SRP68: variants seen among roughly 807,000 people sequenced by gnomAD.
SRP68 encodes signal recognition particle subunit SRP68.
In SRP68, 15 loss-of-function variants were observed where a neutral mutation model predicts 82.2. The ratio of observed to expected loss-of-function variants is 0.18; its 90% CI spans 0.12 to 0.28. The LOEUF is 0.28. Among genes scored for constraint, SRP68 ranks in the 10% least tolerant of loss-of-function variants. The pLI, the probability that SRP68 is intolerant of heterozygous loss-of-function variation, is 1.00. For synonymous variants in SRP68, 261 were observed against 292.6 expected, an observed-to-expected ratio of 0.89 and a Z score of 1.10; for missense variants, 595 against 780.5, an observed-to-expected ratio of 0.76 and a Z score of 2.83.
intron 4 of SRP68, among the ~76,000 whole-genome samples, chr17:76,062,729 TTATATATATATA>T (rs200522360): frequency 0.051 from 732 of 14,482 alleles, 170 homozygotes; most frequent in Admixed American, 0.11. Flanking sequence ...TATATTTATT[TTATATATATATA>T]TATATATATA....
At chr17:76,044,018 T>G (rs1839233927) in intron 12 of SRP68, 60 bp from the exon 13 acceptor site, 2 of 1,552,918 alleles carry the variant, frequency 1.3e-6, no homozygotes. Flanking sequence ...AGACCAAGGC[T>G]TTCCTTGCAG....
chr17:76,043,786 T>C (rs1530834), intron 13 of SRP68, 43 bp downstream of exon 13: 643,600 of 1,541,766 alleles, frequency 0.42, 144,380 homozygotes, highest in African/African-American at 0.87. Flanking sequence ...GCTGACTCCA[T>C]AACCTGCCAG....
In SRP68 at chr17:76,071,528, C is replaced by G. The variant is rs2066852921; in HGVS notation, c.184+780G>C. The stretch of plus-strand genomic sequence containing the variant: ...TCTCAGTAAAATCAGGGCTCGCTAG[C>G]GTCTACTTGGAACTATTACCAGTAA... On this transcript the variant is annotated intron_variant, in intron 1 of 15. Coordinates refer to ENST00000307877, the MANE Select transcript of SRP68 (RefSeq NM_014230.4). This position sits in a 1 kb window ranked among gnomAD's most constrained non-coding sequence, Gnocchi z 4.7. Among the ~76,000 whole-genome samples the G allele has an allele frequency of 6.6e-6, 1 of 152,178 alleles. No individual in the cohort carries two copies. Among genetic ancestry groups the G allele is most frequent in the Admixed American group, 6.6e-5 (1 of 15,264 alleles).
rs767705142 is a variant in SRP68 at position 76,047,989 on chromosome 17, G to A, written c.1078-19C>T. On this transcript the variant is annotated intron_variant, in intron 9 of 15. Transcript: ENST00000307877. ...TCTGTTTCTGCAGAAAGTGAAAAAG[G>A]TAAAAAGTAAAGCAACTGATGCTCT... is the stretch of plus-strand genomic sequence containing the variant. 1.1e-5 allele frequency: 17 copies of A among 1,536,722 alleles called. No individual in the cohort carries two copies. The highest frequency in any genetic ancestry group is 1.8e-5 in the Admixed American group (1 of 54,616).
chr17:76,039,588 G>A lies in SRP68; in HGVS notation c.*118C>T. 1 of 984,762 alleles carries A rather than the reference G, an allele frequency of 1.0e-6. No individual in the cohort carries two copies. Among genetic ancestry groups the A allele is most frequent in the South Asian group, 1.6e-5 (1 of 63,142 alleles). The allele number at this position is 984,762 out of a possible 1,614,324, so 61.0% of individuals were successfully genotyped here. A position where few individuals can be genotyped will look rare whatever the true frequency, so the allele number is the denominator to read the frequency against. On this transcript the variant is annotated 3_prime_UTR_variant, in exon 16 of 16. Transcript: ENST00000307877. ...GATGTAGGAATGCAGGGCCGAAGATGTTAAACTCTTGCCCCGGGCCAATGC... is the reference window on the plus strand; with the variant it reads ...GATGTAGGAATGCAGGGCCGAAGATATTAAACTCTTGCCCCGGGCCAATGC...
Position 76,072,413 on chromosome 17 carries a change from T to C in SRP68, c.79A>G (p.Ser27Gly), listed in dbSNP as rs751957574. The C allele has an allele frequency of 7.5e-6, 12 of 1,596,334 alleles. No homozygotes were observed. The highest frequency in any genetic ancestry group is 2.2e-5 in the South Asian group (2 of 90,892). ...CCTCCGGCACCACGTCCACCGCCGCTACCGCCGCCGCCACTGCCACCGCCG... is the reference window on the plus strand; with the variant it reads ...CCTCCGGCACCACGTCCACCGCCGCCACCGCCGCCGCCACTGCCACCGCCG... Reference protein sequence around the residue: ...GGGGGSGGGGSGGGRGAGGEE... With the variant: ...GGGGGSGGGGGGGGRGAGGEE... The change falls in exon 1 of 16, where the codon AGC becomes GGC. Residue 27 changes from serine (S) to glycine (G), a missense_variant. Physicochemically the swap from Ser to Gly is moderately conservative, Grantham distance 56 (BLOSUM62 0). Transcript: ENST00000307877. The surrounding 1 kb of genome is among the most constrained non-coding windows in gnomAD (Gnocchi z 4.5).
rs563879201 is a variant in SRP68, at chr17:76,060,372, T to C, written c.773A>G (p.Asn258Ser). The C allele has an allele frequency of 1.2e-4, 196 of 1,612,686 alleles. 1 individual carries two copies. Among genetic ancestry groups the C allele is most frequent in the South Asian group, 1.2e-3 (108 of 90,982 alleles). Reference protein sequence around the residue: ...AYNIGDQSAINELMQMRLRSG... With the variant: ...AYNIGDQSAISELMQMRLRSG... ...CCTCAATCTCATCTGCATGAGTTCA[T>C]TGATGGCTGACTGGTCCCCTAAGAG... The change falls in exon 7 of 16, where the codon AAT becomes AGT. Residue 258 changes from asparagine (N) to serine (S), a missense_variant. Physicochemically the swap from Asn to Ser is conservative, Grantham distance 46. Around this residue, in one of 2 missense-constraint regions of SRP68, gnomAD observed 495 missense variants for 688.6 expected, o/e 0.72. Coordinates refer to ENST00000307877, the MANE Select transcript of SRP68 (RefSeq NM_014230.4).
Position 76,039,945 on chromosome 17 carries a change from A to C in SRP68, c.1657-12T>G. On this transcript the variant is annotated splice_polypyrimidine_tract_variant and intron_variant, in intron 15 of 15. Transcript: ENST00000307877. Reference sequence around the variant, plus strand: ...CGTTCAACCAGAGGCTGGAAGTCAAATCAAAGAGACGTATGTAGCATCGGT... The same window carrying C: ...CGTTCAACCAGAGGCTGGAAGTCAACTCAAAGAGACGTATGTAGCATCGGT... 1 of 1,613,618 alleles carries C rather than the reference A, an allele frequency of 6.2e-7. No individual in the cohort carries two copies. Among genetic ancestry groups the C allele is most frequent in the Non-Finnish European group, 8.5e-7 (1 of 1,179,722 alleles).
intron 8 of SRP68, among the ~76,000 whole-genome samples, chr17:76,051,822 A>G (rs1417723787): frequency 1.3e-5 from 2 of 152,340 alleles, no homozygotes; most frequent in African/African-American, 2.4e-5. Context: ...CATCCAATAG[A>G]ACTCTCTGCC....
At chr17:76,042,111 C>T (rs1002026879) in intron 13 of SRP68, among the ~76,000 whole-genome samples, 1 of 151,994 alleles carries the variant, frequency 6.6e-6, no homozygotes, top group East Asian at 2.0e-4. Flanking sequence ...GTCTCGATCT[C>T]CTGACCTCGT....
At position 76,039,698 on chromosome 17, in the gene SRP68, G is replaced by A; in HGVS notation, c.*8C>T. The A allele has an allele frequency of 3.7e-6, 6 of 1,608,812 alleles. No homozygotes were observed. Among genetic ancestry groups the A allele is most frequent in the Non-Finnish European group, 5.1e-6 (6 of 1,175,378 alleles). On this transcript the variant is annotated 3_prime_UTR_variant, in exon 16 of 16. Coordinates refer to ENST00000307877, the MANE Select transcript of SRP68 (RefSeq NM_014230.4). ...CAGAATCTCCCCCGCCCCCGAGGAAGAGCCTGGTTAGCTCCTGAATCCAAA... is the reference window on the plus strand; with the variant it reads ...CAGAATCTCCCCCGCCCCCGAGGAAAAGCCTGGTTAGCTCCTGAATCCAAA...
At chr17:76,070,607 G>A (rs543512327) in intron 1 of SRP68, among the ~76,000 whole-genome samples, 163 bp from the exon 2 acceptor site, 127 of 152,254 alleles carry the variant, frequency 8.3e-4, no homozygotes, top group African/African-American at 3.0e-3. Flanking sequence ...GTGGGAGGCC[G>A]AGGCGGGTGT....
In SRP68 at chr17:76,064,010, T is replaced by C. The variant is rs2066788526; in HGVS notation, c.527A>G (p.Asn176Ser). 1 of 1,614,184 alleles carries C rather than the reference T, an allele frequency of 6.2e-7. No homozygotes were observed. ...AEELERLCES[N>S]RVDAKTKLEA... ...TAATTTGGTCTTGGCATCCACGCGA[T>C]TGCTCTCACACAAGCGTTCCAATTC... The change falls in exon 4 of 16, where the codon AAT becomes AGT. Residue 176 changes from asparagine to serine, a missense_variant. Coordinates refer to ENST00000307877, the MANE Select transcript of SRP68 (RefSeq NM_014230.4).
intron 8 of SRP68, among the ~76,000 whole-genome samples, chr17:76,051,599 G>T (rs948456331): frequency 1.3e-5 from 2 of 152,014 alleles, no homozygotes; most frequent in African/African-American, 4.8e-5. Flanking sequence ...GTTCTCTTAA[G>T]AATCTATTTC....
chr17:76,045,333 C>A lies in SRP68; in HGVS notation c.1353G>T (p.Gln451His), dbSNP rs144469138. 5.6e-6 allele frequency: 9 copies of A among 1,613,796 alleles called. No homozygotes were observed. The Admixed American group carries it at 1.0e-4, about 18-fold the overall frequency. Residue 451 changes from glutamine to histidine, a missense_variant, in exon 12 of 16, where the codon CAG (glutamine) becomes CAT (histidine). Physicochemically the swap from Gln to His is conservative, Grantham distance 24. This residue lies in a region of SRP68 where 495 missense variants were observed against 688.6 expected (regional missense o/e 0.72). Transcript: ENST00000307877. Reference protein sequence around the residue: ...LPGLEEDKAFQKEIGLKTLVF... With the variant: ...LPGLEEDKAFHKEIGLKTLVF... ...CCAGAGTCTTGAGGCCTATCTCTTTCTGGAAGGCTTTGTCTTCCTCTAAAC... is the reference window on the plus strand; with the variant it reads ...CCAGAGTCTTGAGGCCTATCTCTTTATGGAAGGCTTTGTCTTCCTCTAAAC...
At chr17:76,043,516 A>C (rs1322275358) in intron 13 of SRP68, 8 of 179,344 alleles carry the variant, frequency 4.5e-5, no homozygotes, top group Non-Finnish European at 9.3e-5. Context: ...ACCTTGAAAA[A>C]AATCTTCCTA....
rs1391145168 is a variant in SRP68 at position 76,039,823 on chromosome 17, C to T, written c.1767G>A (p.Leu589=). 6.2e-7 allele frequency: 1 copy of T among 1,614,196 alleles called. No individual in the cohort carries two copies. Among genetic ancestry groups the T allele is most frequent in the Admixed American group, 1.7e-5 (1 of 60,016 alleles). The stretch of plus-strand genomic sequence containing the variant: ...CATGGTTGAGGGCCAGGTCAAAGAA[C>T]AAAGGCTTGCAGGGAATGGGCTGGA... ...PGFQPIPCKP[L]FFDLALNHVA... The change falls in exon 16 of 16, where the codon TTG becomes TTA. Residue 589 remains leucine (L), a synonymous_variant. Coordinates refer to ENST00000307877, the MANE Select transcript of SRP68 (RefSeq NM_014230.4).
chr17:76,045,520 T>C lies in SRP68; in HGVS notation c.1300-134A>G, dbSNP rs1207184475. 5 of 641,096 alleles carry C rather than the reference T, an allele frequency of 7.8e-6. No homozygotes were observed. The African/African-American group carries it at 9.2e-5, about 12-fold the overall frequency. 39.7% of individuals were successfully genotyped at this position (641,096 alleles called of 1,614,324 possible). On this transcript the variant is annotated intron_variant, in intron 11 of 15. Coordinates refer to ENST00000307877, the MANE Select transcript of SRP68 (RefSeq NM_014230.4). ...GGTCAATACGATGGGGAAAAGCCTG[T>C]GAAGAGATTGGGCAGCAGCCACACC...
intron 7 of SRP68, among the ~76,000 whole-genome samples, chr17:76,059,789 C>CA (rs35942880): frequency 0.58 from 50,619 of 87,668 alleles, 13,996 homozygotes; most frequent in African/African-American, 0.76. Context: ...AAGACTGTCT[C>CA]AAAAAAAAAA....
Sources: allele counts gnomAD v4.1 joint callset (sites outside exome capture counted in the v4.1 genomes callset), GRCh38; gene constraint gnomAD v4.1.1; regional missense constraint gnomAD v4.1.1; non-coding constraint Gnocchi (gnomAD v3.1); transcripts MANE v1.5; gene names NCBI Gene and HGNC (gene_info 2026-07-23, HGNC 2026-07-21).